The following AFG2A variants were observed in gnomAD, a reference collection of about 807,000 sequenced individuals.
The protein encoded by AFG2A is ATPase family gene 2 protein homolog A.
the AFG2A span, among the ~76,000 whole-genome samples, chr4:123,118,528 T>C: frequency 6.6e-6 from 1 of 151,734 alleles, no homozygotes; most frequent in South Asian, 2.1e-4. Flanking sequence ...GATGAAGAAC[T>C]ACCATAGTTA....
chr4:122,979,114 C>T, the AFG2A span: 1 of 1,222,226 alleles, frequency 8.2e-7, no homozygotes, highest in Non-Finnish European at 1.1e-6. Context: ...GGCCACGCCT[C>T]CCCCACTGCA....
the AFG2A span, among the ~76,000 whole-genome samples, chr4:123,198,240 G>A: frequency 6.7e-6 from 1 of 149,588 alleles, no homozygotes; most frequent in South Asian, 2.1e-4. Context: ...CTGCACTCCA[G>A]CCTAAACGAC....
chr4:123,256,370 G>C, the AFG2A span, among the ~76,000 whole-genome samples: 1 of 152,158 alleles, frequency 6.6e-6, no homozygotes, highest in Admixed American at 6.5e-5. Context: ...TATCACAATT[G>C]TTTTTTACTT....
chr4:123,254,280 A>C, the AFG2A span, among the ~76,000 whole-genome samples: 2 of 152,020 alleles, frequency 1.3e-5, no homozygotes, highest in Non-Finnish European at 2.9e-5. Context: ...ATACATTTCA[A>C]GTTTATTTTT....
the AFG2A span, among the ~76,000 whole-genome samples, chr4:123,216,148 A>G: frequency 2.6e-5 from 4 of 152,268 alleles, no homozygotes; most frequent in South Asian, 2.1e-4. Context: ...AGGCAGCACA[A>G]TGTCATGAGA....
the AFG2A span, chr4:122,934,367 G>T: frequency 1.2e-6 from 2 of 1,614,206 alleles, no homozygotes; most frequent in South Asian, 1.1e-5. Context: ...ATTGATGACA[G>T]AATTACAAAT....
chr4:122,991,924 C>T, the AFG2A span, among the ~76,000 whole-genome samples: 1 of 151,982 alleles, frequency 6.6e-6, no homozygotes, highest in Non-Finnish European at 1.5e-5. Context: ...TTTTTTTTAT[C>T]TGCAATATTT....
chr4:123,065,051 C>G, the AFG2A span, among the ~76,000 whole-genome samples: 1 of 152,150 alleles, frequency 6.6e-6, no homozygotes, highest in Non-Finnish European at 1.5e-5. Flanking sequence ...GATATATTGA[C>G]TATAGAGCAG....
chr4:123,203,010 G>A, the AFG2A span, among the ~76,000 whole-genome samples: 8 of 116,032 alleles, frequency 6.9e-5, no homozygotes, highest in Admixed American at 1.8e-4. Context: ...ATGACAGAGC[G>A]AGACTCCATC....
At chr4:122,968,148 A>G in the AFG2A span, among the ~76,000 whole-genome samples, 2 of 152,286 alleles carry the variant, frequency 1.3e-5, no homozygotes, top group South Asian at 2.1e-4. Context: ...TATTGATACA[A>G]TGATATTTCA....
the AFG2A span, among the ~76,000 whole-genome samples, chr4:123,210,433 A>G: frequency 2.0e-5 from 3 of 152,236 alleles, no homozygotes; most frequent in African/African-American, 7.2e-5. Flanking sequence ...AAGTGAGATC[A>G]TGGGATATTT....
chr4:123,219,190 A>G, the AFG2A span, among the ~76,000 whole-genome samples: 1 of 152,230 alleles, frequency 6.6e-6, no homozygotes, highest in Non-Finnish European at 1.5e-5. Context: ...CCGCTGGTAC[A>G]ATTCCACAGT....
At chr4:123,143,486 T>C in the AFG2A span, among the ~76,000 whole-genome samples, 2 of 152,042 alleles carry the variant, frequency 1.3e-5, no homozygotes, top group Non-Finnish European at 1.5e-5. Context: ...ATGGTTGATG[T>C]ATATATGGCT....
chr4:123,229,881 C>T, the AFG2A span, among the ~76,000 whole-genome samples: 6 of 151,724 alleles, frequency 4.0e-5, no homozygotes, highest in East Asian at 1.9e-4. Flanking sequence ...TTAGAGATAT[C>T]GTATGTTCGG....
the AFG2A span, among the ~76,000 whole-genome samples, chr4:123,208,695 A>G: frequency 6.6e-6 from 1 of 152,324 alleles, no homozygotes; most frequent in South Asian, 2.1e-4. Context: ...ACATATTTAG[A>G]CAATAGAGGT....
chr4:123,120,286 G>C, the AFG2A span, among the ~76,000 whole-genome samples: 1 of 151,968 alleles, frequency 6.6e-6, no homozygotes, highest in Admixed American at 6.6e-5. Context: ...TTAAATTTCT[G>C]CCATTATATT....
At chr4:122,926,794 T>C in the AFG2A span, among the ~76,000 whole-genome samples, 2 of 152,250 alleles carry the variant, frequency 1.3e-5, no homozygotes, top group African/African-American at 4.8e-5. Context: ...ATTTACTACA[T>C]TTATTCATTT....
chr4:123,000,271 C>G, the AFG2A span, among the ~76,000 whole-genome samples: 1 of 150,440 alleles, frequency 6.6e-6, no homozygotes, highest in Non-Finnish European at 1.5e-5. Flanking sequence ...TTGACTTCCT[C>G]TTTTCCTAAC....
chr4:123,233,181 A>T, the AFG2A span, among the ~76,000 whole-genome samples: 4 of 152,012 alleles, frequency 2.6e-5, no homozygotes, highest in Admixed American at 2.6e-4. Context: ...AATGTAATAG[A>T]CTTGTCGTTA....
Sources: gnomAD v4.1 joint callset for allele counts (sites outside exome capture counted in the v4.1 genomes callset) on GRCh38, gnomAD v4.1.1 for gene constraint, MANE v1.5 for transcripts, NCBI Gene and HGNC (gene_info 2026-07-23, HGNC 2026-07-21) for gene names.